Variants in FBXO15 observed in about 807,000 individuals in gnomAD.
The protein encoded by FBXO15 is F-box only protein 15.
FBXO15 carries 30 observed loss-of-function variants against 49.5 expected under a neutral mutation model. The ratio of observed to expected loss-of-function variants is 0.61; its 90% CI spans 0.45 to 0.82. The LOEUF is 0.82. FBXO15 is among the 40% of genes least tolerant of loss of function. The pLI is 0.00. For synonymous variants in FBXO15, 250 were observed against 232.7 expected, an observed-to-expected ratio of 1.07 and a Z score of -0.68; for missense variants, 591 against 631.5, an observed-to-expected ratio of 0.94 and a Z score of 0.69.
intron 8 of FBXO15, among the ~76,000 whole-genome samples, chr18:74,110,202 T>TATAC (rs1913960457): frequency 6.8e-6 from 1 of 147,334 alleles, no homozygotes; most frequent in South Asian, 2.1e-4. Context: ...TGCATATATA[T>TATAC]ATATATATAT....
In FBXO15 at chr18:74,074,668, T is replaced by C. The variant is rs1470319416; in HGVS notation, c.1264-938A>G. 2.6e-5 allele frequency among the ~76,000 whole-genome samples: 4 copies of C among 152,240 alleles called. No homozygotes were observed. The highest frequency in any genetic ancestry group is 6.5e-5 in the Admixed American group (1 of 15,288). On this transcript the variant is annotated intron_variant, in intron 9 of 9. Transcript: ENST00000419743. The surrounding 1 kb of genome is among the most constrained non-coding windows in gnomAD (Gnocchi z 4.7). ...ACCTATTAATGTATCCTGAAGTAAA[T>C]TTAGCAGGACACAACTGTTTGTCAA... is the stretch of plus-strand genomic sequence containing the variant.
intron 8 of FBXO15, among the ~76,000 whole-genome samples, chr18:74,084,396 A>G (rs1912637963): frequency 6.6e-6 from 1 of 152,238 alleles, no homozygotes; most frequent in Non-Finnish European, 1.5e-5. Flanking sequence ...AGAGAACGGG[A>G]AGAGCCATCT....
rs528689567 is a variant in FBXO15, at chr18:74,125,817, C to T, written c.912+158G>A. Among the ~76,000 whole-genome samples, 15 of 152,042 alleles carry T rather than the reference C, an allele frequency of 9.9e-5. No homozygotes were observed. The South Asian group carries it at 2.9e-3, about 30-fold the overall frequency. On this transcript the variant is annotated intron_variant, in intron 6 of 9. Coordinates refer to ENST00000419743, the MANE Select transcript of FBXO15 (RefSeq NM_001142958.2). ...GCAGCCTCGGTGGAACAGAGAGGGC[C>T]ATGTTAGCTTGAAAAAATGAAGTTG...
chr18:74,077,691 T>TG (rs567229225), intron 9 of FBXO15, among the ~76,000 whole-genome samples: 14 of 152,030 alleles, frequency 9.2e-5, no homozygotes, highest in Non-Finnish European at 1.3e-4. Context: ...AGGCTGAGAA[T>TG]GGGGGAGTTG....
Position 74,129,544 on chromosome 18 carries a change from C to G in FBXO15, c.646G>C (p.Asp216His). 6.2e-7 allele frequency: 1 copy of G among 1,613,232 alleles called. No individual in the cohort carries two copies. The highest frequency in any genetic ancestry group is 1.3e-5 in the African/African-American group (1 of 74,854). Residue 216 changes from aspartate (D) to histidine (H), a missense_variant, in exon 5 of 10, where the codon GAT becomes CAT. Asp to His is a moderately conservative substitution (Grantham distance 81). Transcript: ENST00000419743. ...GGKEYIMEHVDLSINDTSVTV... is the reference protein window; with the variant it reads ...GGKEYIMEHVHLSINDTSVTV... Reference sequence around the variant, plus strand: ...ACTGATGTGTCATTTATGGAAAGATCAACATGCTCCATGATATATTCTTTT... The same window carrying G: ...ACTGATGTGTCATTTATGGAAAGATGAACATGCTCCATGATATATTCTTTT...
At chr18:74,113,073 A>G (rs141464158) in intron 8 of FBXO15, among the ~76,000 whole-genome samples, 34 of 152,352 alleles carry the variant, frequency 2.2e-4, no homozygotes, top group African/African-American at 7.2e-4. Context: ...TCAGTAGATG[A>G]ATAAACTGTG....
At chr18:74,115,670 T>G (rs1488422465) in intron 8 of FBXO15, among the ~76,000 whole-genome samples, 1 of 152,194 alleles carries the variant, frequency 6.6e-6, no homozygotes, top group African/African-American at 2.4e-5. Flanking sequence ...ATTCCATACT[T>G]TCTAAAGAAA....
chr18:74,102,951 G>A (rs1211646623), intron 8 of FBXO15, among the ~76,000 whole-genome samples: 1 of 151,996 alleles, frequency 6.6e-6, no homozygotes, highest in Admixed American at 6.6e-5. Context: ...GGGACTCAAG[G>A]GGAAAGGGTG....
chr18:74,140,291 A>T lies in FBXO15; in HGVS notation c.138T>A (p.Leu46=). 1 of 1,551,306 alleles carries T rather than the reference A, an allele frequency of 6.4e-7. No homozygotes were observed. Among genetic ancestry groups the T allele is most frequent in the Non-Finnish European group, 8.7e-7 (1 of 1,146,876 alleles). The change falls in exon 2 of 10, where the codon CTT becomes CTA. Residue 46 remains leucine, a synonymous_variant. Transcript: ENST00000419743. Reference sequence around the variant, plus strand: ...ACCTCAGGGCAGCAGAGCCTGCAGAAAGCTTGACCCCTGGCCCCTTTCTGA... The same window carrying T: ...ACCTCAGGGCAGCAGAGCCTGCAGATAGCTTGACCCCTGGCCCCTTTCTGA... ...FGCRKGPGVK[L]SAGSAALRCH...
chr18:74,119,707 C>G (rs1182131172), intron 8 of FBXO15, among the ~76,000 whole-genome samples: 2 of 152,068 alleles, frequency 1.3e-5, no homozygotes, highest in Non-Finnish European at 2.9e-5. Context: ...AGTCAAGGAA[C>G]AGAGAGGAAC....
intron 1 of FBXO15, among the ~76,000 whole-genome samples, chr18:74,145,320 A>G (rs1339005363): frequency 1.3e-5 from 2 of 151,236 alleles, no homozygotes; most frequent in Non-Finnish European, 2.9e-5. Flanking sequence ...TTAAAACGTC[A>G]AAGCTTATTT....
At chr18:74,126,349 C>G (rs544626363) in intron 5 of FBXO15, among the ~76,000 whole-genome samples, 1 of 152,158 alleles carries the variant, frequency 6.6e-6, no homozygotes, top group African/African-American at 2.4e-5. Flanking sequence ...ATGACCCAGC[C>G]GGGAGGAAGT....
chr18:74,121,365 C>A (rs1317023610), intron 8 of FBXO15, among the ~76,000 whole-genome samples: 1 of 152,100 alleles, frequency 6.6e-6, no homozygotes, highest in African/African-American at 2.4e-5. Context: ...AGAGAAGTAA[C>A]AAGAATTAAA....
intron 8 of FBXO15, among the ~76,000 whole-genome samples, chr18:74,094,959 A>G (rs1285845171): frequency 6.6e-6 from 1 of 152,252 alleles, no homozygotes; most frequent in African/African-American, 2.4e-5. Flanking sequence ...ACTTCCCCTC[A>G]GCACTTGCTG....
chr18:74,086,640 G>A lies in FBXO15; in HGVS notation c.1139-4589C>T, dbSNP rs557088084. On this transcript the variant is annotated intron_variant, in intron 8 of 9. Coordinates refer to ENST00000419743, the MANE Select transcript of FBXO15 (RefSeq NM_001142958.2). ...TTAGCCAGAATGGTCTCGATCTCCTGACCTCATGATCCGCCCACCTCAGCC... is the reference window on the plus strand; with the variant it reads ...TTAGCCAGAATGGTCTCGATCTCCTAACCTCATGATCCGCCCACCTCAGCC... Among the ~76,000 whole-genome samples the A allele has an allele frequency of 2.0e-5, 3 of 152,302 alleles. No individual in the cohort carries two copies. The South Asian group carries it at 6.2e-4, about 32-fold the overall frequency.
intron 8 of FBXO15, among the ~76,000 whole-genome samples, chr18:74,084,050 C>G (rs531499481): frequency 6.6e-6 from 1 of 152,170 alleles, no homozygotes; most frequent in African/African-American, 2.4e-5. Flanking sequence ...TGATCCAAAC[C>G]CTGTTCTGTG....
At position 74,124,564 on chromosome 18, in the gene FBXO15, T is replaced by C; in HGVS notation, c.920A>G (p.Glu307Gly). 6.2e-7 allele frequency: 1 copy of C among 1,613,976 alleles called. No individual in the cohort carries two copies. Among genetic ancestry groups the C allele is most frequent in the Non-Finnish European group, 8.5e-7 (1 of 1,179,954 alleles). Residue 307 changes from glutamate (E) to glycine (G), a missense_variant, in exon 7 of 10, where the codon GAA (glutamate) becomes GGA (glycine). By Grantham distance (98) the Glu-to-Gly change is moderately conservative. Transcript: ENST00000419743. ...ATTTGCCATAACAAAAGCCAGTTCT[T>C]CCTCCTTCTGAAAAGTTAATTGAGA... ...GLLVGVWKKE[E>G]ELAFVMANLH...
intron 8 of FBXO15, among the ~76,000 whole-genome samples, chr18:74,087,141 C>T (rs182068767): frequency 6.8e-4 from 103 of 152,262 alleles, no homozygotes; most frequent in African/African-American, 2.1e-3. Context: ...CTGAGCCTTC[C>T]GCAAAGCATT....
intron 4 of FBXO15, among the ~76,000 whole-genome samples, chr18:74,130,144 T>A (rs780095785): frequency 8.5e-5 from 13 of 152,244 alleles, no homozygotes; most frequent in Non-Finnish European, 1.8e-4. Flanking sequence ...AAACTGTTGT[T>A]ATTATGTATA....
Sources: gnomAD v4.1 joint callset for allele counts (sites outside exome capture counted in the v4.1 genomes callset) on GRCh38, gnomAD v4.1.1 for gene constraint, Gnocchi (gnomAD v3.1) non-coding constraint, MANE v1.5 for transcripts, NCBI Gene and HGNC (gene_info 2026-07-23, HGNC 2026-07-21) for gene names.